MYT1L: variants seen among roughly 807,000 people sequenced by gnomAD.
The protein encoded by MYT1L is myelin transcription factor 1 like.
Under a neutral mutation model 126.7 loss-of-function variants are expected in MYT1L, and 12 were observed. That is an observed-to-expected ratio of 0.09 (90% CI 0.06 to 0.15). The LOEUF (loss-of-function observed/expected upper bound fraction) is 0.15. MYT1L is among the 10% of genes least tolerant of loss of function. The pLI, the probability that MYT1L is intolerant of heterozygous loss-of-function variation, is 1.00. For missense variants in MYT1L, 979 were observed against 1,585.2 expected (o/e 0.62, Z 6.49); for synonymous variants, 541 against 604.2 (o/e 0.90, Z 1.53).
intron 1 of MYT1L, among the ~76,000 whole-genome samples, chr2:2,297,959 G>A (rs1361518351): frequency 2.0e-5 from 3 of 152,176 alleles, no homozygotes; most frequent in Admixed American, 6.5e-5. Context: ...TACACAACGA[G>A]GACCTGAGAA....
intron 1 of MYT1L, among the ~76,000 whole-genome samples, chr2:2,289,520 A>G (rs996128968): frequency 6.6e-6 from 1 of 152,246 alleles, no homozygotes; most frequent in Non-Finnish European, 1.5e-5. Context: ...GCATAAAGCA[A>G]CAGCCTCTAG....
intron 9 of MYT1L, among the ~76,000 whole-genome samples, chr2:1,928,496 C>T (rs1044932835): frequency 2.0e-5 from 3 of 152,182 alleles, no homozygotes; most frequent in Admixed American, 1.3e-4. Flanking sequence ...ACAGTGTTGC[C>T]TCCACTTCCA....
intron 2 of MYT1L, among the ~76,000 whole-genome samples, chr2:2,264,024 C>A (rs1178364182): frequency 1.3e-5 from 2 of 152,288 alleles, no homozygotes; most frequent in South Asian, 2.1e-4. Context: ...TAATAAAAAT[C>A]TTGCATTTAT....
intron 1 of MYT1L, among the ~76,000 whole-genome samples, chr2:2,322,146 A>C (rs2096178111): frequency 6.6e-6 from 1 of 152,002 alleles, no homozygotes; most frequent in South Asian, 2.1e-4. Flanking sequence ...CTTTTGAATA[A>C]AAAATATTTA....
intron 21 of MYT1L, among the ~76,000 whole-genome samples, chr2:1,820,123 C>T (rs2038314058): frequency 6.6e-6 from 1 of 152,064 alleles, no homozygotes; most frequent in Non-Finnish European, 1.5e-5. Context: ...AAGAGAGCAC[C>T]CACTCAAGAG....
rs2048335670 is a variant in MYT1L, at chr2:1,887,745, T to C, written c.2521-136A>G. 2.9e-6 allele frequency: 3 copies of C among 1,018,338 alleles called. No homozygotes were observed. The highest frequency in any genetic ancestry group is 3.0e-5 in the South Asian group (2 of 66,534). 63.1% of individuals were successfully genotyped at this position (1,018,338 alleles called of 1,614,324 possible). On this transcript the variant is annotated intron_variant, in intron 16 of 24. Coordinates refer to ENST00000647738, the MANE Select transcript of MYT1L (RefSeq NM_001303052.2). This position sits in a 1 kb window ranked among gnomAD's most constrained non-coding sequence, Gnocchi z 4.8. ...TGTACCTTTAAGATCCTTTTGGTCC[T>C]GATAACGCCCCTACTGAAAATGCAT... is the stretch of plus-strand genomic sequence containing the variant.
intron 3 of MYT1L, among the ~76,000 whole-genome samples, chr2:2,156,828 G>A (rs1408842150): frequency 6.6e-6 from 1 of 152,234 alleles, no homozygotes; most frequent in African/African-American, 2.4e-5. Context: ...CAAAGCGGCT[G>A]TTGGAGAGCC....
At chr2:2,120,795 CGT>C (rs540914479) in intron 3 of MYT1L, among the ~76,000 whole-genome samples, 1 of 152,140 alleles carries the variant, frequency 6.6e-6, no homozygotes, top group African/African-American at 2.4e-5. Flanking sequence ...ATTGCACACA[CGT>C]GTGTGTGTAT....
At chr2:2,014,449 C>T (rs1231707874) in intron 4 of MYT1L, among the ~76,000 whole-genome samples, 1 of 152,142 alleles carries the variant, frequency 6.6e-6, no homozygotes, top group African/African-American at 2.4e-5. Flanking sequence ...CTGTGCAGGG[C>T]AGAGCTCAGC....
At chr2:2,291,073 T>G (rs72769257) in intron 1 of MYT1L, among the ~76,000 whole-genome samples, 1 of 148,422 alleles carries the variant, frequency 6.7e-6, no homozygotes, top group Non-Finnish European at 1.5e-5. Flanking sequence ...AAAAAAAAAA[T>G]GAAAGTCAGT....
At chr2:2,284,641 C>T (rs777770349) in intron 1 of MYT1L, 138 bp from the exon 2 acceptor site, 2 of 152,238 alleles carry the variant, frequency 1.3e-5, no homozygotes, top group Non-Finnish European at 2.9e-5. Flanking sequence ...CACAGCCACA[C>T]TTGCTGAAAT....
chr2:2,185,536 G>A (rs1347883878), intron 2 of MYT1L, among the ~76,000 whole-genome samples: 5 of 146,730 alleles, frequency 3.4e-5, no homozygotes, highest in Non-Finnish European at 7.5e-5. Context: ...TCTGTGAGGC[G>A]GACGCAGCCG....
At chr2:1,908,892 T>A (rs1240338389) in intron 13 of MYT1L, among the ~76,000 whole-genome samples, 1 of 152,250 alleles carries the variant, frequency 6.6e-6, no homozygotes, top group Non-Finnish European at 1.5e-5. Flanking sequence ...ATTGAGGAGT[T>A]ATCTCTTGAT....
intron 2 of MYT1L, among the ~76,000 whole-genome samples, chr2:2,257,472 G>A (rs1428701026): frequency 6.6e-6 from 1 of 152,170 alleles, no homozygotes; most frequent in African/African-American, 2.4e-5. Flanking sequence ...GGTCAAGGAT[G>A]AGGAGAGATG....
At chr2:2,280,932 A>C (rs1401427523) in intron 2 of MYT1L, among the ~76,000 whole-genome samples, 1 of 152,206 alleles carries the variant, frequency 6.6e-6, no homozygotes, top group African/African-American at 2.4e-5. Flanking sequence ...CGGTGCGGCC[A>C]TAGGGGACAC....
intron 3 of MYT1L, among the ~76,000 whole-genome samples, chr2:2,079,582 G>A (rs868320576): frequency 7.9e-5 from 12 of 152,236 alleles, no homozygotes; most frequent in African/African-American, 2.2e-4. Context: ...AAGGCGGGTG[G>A]ATCGTGAGGT....
intron 2 of MYT1L, among the ~76,000 whole-genome samples, chr2:2,236,897 T>G (rs2094335621): frequency 1.3e-5 from 2 of 150,706 alleles, no homozygotes; most frequent in African/African-American, 2.4e-5. Flanking sequence ...CACTGTAACC[T>G]CTGCCTTCCA....
At chr2:1,989,447 C>G (rs1345780488) in intron 5 of MYT1L, among the ~76,000 whole-genome samples, 1 of 152,164 alleles carries the variant, frequency 6.6e-6, no homozygotes, top group African/African-American at 2.4e-5. Flanking sequence ...TCTTCTCATT[C>G]TGCAGCCCTC....
chr2:1,872,195 C>CCAT (rs2046359621), intron 18 of MYT1L, among the ~76,000 whole-genome samples: 1 of 152,126 alleles, frequency 6.6e-6, no homozygotes, highest in South Asian at 2.1e-4. Flanking sequence ...CTGGATGTCT[C>CCAT]CATCATTGTC....
Sources: gnomAD v4.1 joint callset for allele counts (sites outside exome capture counted in the v4.1 genomes callset) on GRCh38, gnomAD v4.1.1 for gene constraint, Gnocchi (gnomAD v3.1) non-coding constraint, MANE v1.5 for transcripts, NCBI Gene and HGNC (gene_info 2026-07-23, HGNC 2026-07-21) for gene names.